Variants in MAPRE3 observed in about 807,000 individuals in gnomAD.
The protein encoded by MAPRE3 is microtubule associated protein RP/EB family member 3, also known as microtubule-associated protein RP/EB family member 3.
MAPRE3 carries 2 observed loss-of-function variants against 30.5 expected under a neutral mutation model. That is an observed-to-expected ratio of 0.07 (90% CI 0.03 to 0.21). The LOEUF is 0.21. Ranked by LOEUF, MAPRE3 falls within the 10% of genes least tolerant of loss-of-function variation. The pLI, the probability that MAPRE3 is intolerant of heterozygous loss-of-function variation, is 1.00. For missense variants in MAPRE3, 204 were observed against 351.8 expected (o/e 0.58, Z 3.36); for synonymous variants, 110 against 127.7 (o/e 0.86, Z 0.93).
chr2:26,983,094 C>G (rs1666147059), intron 1 of MAPRE3, among the ~76,000 whole-genome samples: 2 of 152,166 alleles, frequency 1.3e-5, no homozygotes, highest in Non-Finnish European at 2.9e-5. Flanking sequence ...CTATCCTGTT[C>G]AATAAAGCCT....
intron 1 of MAPRE3, among the ~76,000 whole-genome samples, chr2:26,996,598 C>G (rs1666465910): frequency 6.6e-6 from 1 of 151,652 alleles, no homozygotes; most frequent in African/African-American, 2.4e-5. Flanking sequence ...GTCAGGAGAT[C>G]GAGACCACAG....
At chr2:26,996,655 T>C (rs926423181) in intron 1 of MAPRE3, among the ~76,000 whole-genome samples, 34 of 151,888 alleles carry the variant, frequency 2.2e-4, no homozygotes, top group African/African-American at 8.2e-4. Context: ...CCGGGCGCCG[T>C]GGTGGGCGCC....
At chr2:27,003,855 A>G (rs1666659641) in intron 1 of MAPRE3, among the ~76,000 whole-genome samples, 3 of 152,296 alleles carry the variant, frequency 2.0e-5, no homozygotes, top group Non-Finnish European at 4.4e-5. Flanking sequence ...CGGCTGTCAA[A>G]ATTCCATTAA....
intron 1 of MAPRE3, among the ~76,000 whole-genome samples, chr2:27,006,031 A>C (rs1016667662): frequency 1.3e-5 from 2 of 151,952 alleles, no homozygotes; most frequent in Admixed American, 6.6e-5. Context: ...AAATACAAAA[A>C]ATTAGCCGGG....
intron 2 of MAPRE3, chr2:27,022,618 G>A (rs1257420224): frequency 5.6e-6 from 2 of 360,352 alleles, no homozygotes; most frequent in African/African-American, 2.0e-5. Flanking sequence ...ACTAAATACT[G>A]CAGACAGTTT....
chr2:26,995,829 G>GTGTGTGTGTA (rs1335864863), intron 1 of MAPRE3, among the ~76,000 whole-genome samples: 112 of 147,102 alleles, frequency 7.6e-4, no homozygotes, highest in African/African-American at 2.8e-3. Context: ...GTGTGTGTGT[G>GTGTGTGTGTA]TATGTGTGTG....
Position 27,006,681 on chromosome 2 carries a change from G to A in MAPRE3, c.-7-15531G>A, listed in dbSNP as rs928847638. ...ACTCCTGACCTCAAGCAGTCCTCCC[G>A]CCCCAGACTCCCAAACCACTGAGAT... On this transcript the variant is annotated intron_variant, in intron 1 of 6. Coordinates refer to ENST00000233121, the MANE Select transcript of MAPRE3 (RefSeq NM_012326.4). 9.2e-5 allele frequency among the ~76,000 whole-genome samples: 14 copies of A among 151,916 alleles called. 1 individual carries two copies. Among genetic ancestry groups the A allele is most frequent in the Admixed American group, 6.6e-4 (10 of 15,246 alleles).
At chr2:26,984,573 G>A (rs537771554) in intron 1 of MAPRE3, among the ~76,000 whole-genome samples, 1 of 152,198 alleles carries the variant, frequency 6.6e-6, no homozygotes, top group East Asian at 1.9e-4. Flanking sequence ...CCTGAAAGCT[G>A]CCCCAAGGAA....
intron 1 of MAPRE3, among the ~76,000 whole-genome samples, chr2:26,977,885 C>T (rs1033736136): frequency 6.6e-5 from 10 of 152,220 alleles, no homozygotes; most frequent in African/African-American, 2.4e-4. Context: ...GCTCTGAGCA[C>T]TGAGAAAGGG....
intron 1 of MAPRE3, among the ~76,000 whole-genome samples, chr2:26,973,553 T>G (rs886853316): frequency 1.9e-4 from 28 of 150,988 alleles, no homozygotes; most frequent in Admixed American, 6.6e-4. Flanking sequence ...ATAGTTTTTT[T>G]TTTTTTTTTT....
intron 2 of MAPRE3, 113 bp downstream of exon 2, chr2:27,022,452 T>A: frequency 7.4e-7 from 1 of 1,359,726 alleles, no homozygotes; most frequent in Non-Finnish European, 1.0e-6. Context: ...GAATGACTGA[T>A]GTGGCCAGAG....
chr2:27,013,352 T>G (rs1666904026), intron 1 of MAPRE3: 1 of 152,204 alleles, frequency 6.6e-6, no homozygotes, highest in South Asian at 2.1e-4. Flanking sequence ...AGAGGGAGAC[T>G]GTTTAAATCC....
At chr2:27,018,785 G>A (rs1667043920) in intron 1 of MAPRE3, among the ~76,000 whole-genome samples, 1 of 152,030 alleles carries the variant, frequency 6.6e-6, no homozygotes. Flanking sequence ...CCACCAATAT[G>A]GTTAGGCAGT....
At chr2:27,006,299 C>T (rs1446406153) in intron 1 of MAPRE3, among the ~76,000 whole-genome samples, 1 of 152,186 alleles carries the variant, frequency 6.6e-6, no homozygotes, top group Admixed American at 6.5e-5. Flanking sequence ...ACTTAGTAGA[C>T]TATTGATGTC....
At chr2:26,975,954 C>T (rs1666007588) in intron 1 of MAPRE3, among the ~76,000 whole-genome samples, 1 of 151,692 alleles carries the variant, frequency 6.6e-6, no homozygotes, top group Non-Finnish European at 1.5e-5. Context: ...AGTCTTTTCA[C>T]TCCCCTCTTG....
chr2:27,027,218 GAGCCAC>G (rs1392930508), exon 7 of MAPRE3: 1 of 152,368 alleles, frequency 6.6e-6, no homozygotes, highest in East Asian at 1.9e-4. Context: ...TCCCTCAACT[GAGCCAC>G]AGTCCAGGTC....
chr2:26,987,346 G>GAAC (rs1238697397), intron 1 of MAPRE3, among the ~76,000 whole-genome samples: 2 of 152,146 alleles, frequency 1.3e-5, no homozygotes, highest in Non-Finnish European at 2.9e-5. Flanking sequence ...TGCCTGTTTT[G>GAAC]AAAAGTCTGG....
At position 26,970,666 on chromosome 2, in the gene MAPRE3, G is replaced by T. The variant is rs1299513682; in HGVS notation, c.-144G>T. 6.6e-6 allele frequency: 1 copy of T among 152,258 alleles called. No individual in the cohort carries two copies. Among genetic ancestry groups the T allele is most frequent in the African/African-American group, 2.4e-5 (1 of 41,460 alleles). The allele number at this position is 152,258 out of a possible 1,614,324, so 9.4% of individuals were successfully genotyped here. On this transcript the variant is annotated 5_prime_UTR_variant, in exon 1 of 7. Transcript: ENST00000233121. The stretch of plus-strand genomic sequence containing the variant: ...CCCTCGTCCCCCGCAGTCTCTGTGC[G>T]TTGAAGCCGGAGACCGCGGCGGCCT...
chr2:27,020,792 G>A (rs1415740835), intron 1 of MAPRE3, among the ~76,000 whole-genome samples: 2 of 152,186 alleles, frequency 1.3e-5, no homozygotes, highest in Non-Finnish European at 2.9e-5. Context: ...GAGGGCGGTG[G>A]CCAGACCTGC....
Sources: allele counts gnomAD v4.1 joint callset (sites outside exome capture counted in the v4.1 genomes callset), GRCh38; gene constraint gnomAD v4.1.1; transcripts MANE v1.5; gene names NCBI Gene and HGNC (gene_info 2026-07-23, HGNC 2026-07-21).